PUM2: variants seen among roughly 807,000 people sequenced by gnomAD.
The protein encoded by PUM2 is pumilio RNA binding family member 2.
PUM2 carries 57 observed loss-of-function variants against 124.5 expected under a neutral mutation model. The observed-to-expected ratio is 0.46, with a 90% CI of 0.37 to 0.57. PUM2 has a LOEUF of 0.57. Ranked by LOEUF, PUM2 falls within the 20% of genes least tolerant of loss-of-function variation. PUM2 has a pLI of 0.00. For synonymous variants in PUM2, 460 were observed against 446.1 expected (o/e 1.03, Z -0.39); for missense variants, 1,065 against 1,290.6 (o/e 0.83, Z 2.68).
chr2:20,311,229 A>T (rs997081117), intron 5 of PUM2, among the ~76,000 whole-genome samples: 1 of 152,086 alleles, frequency 6.6e-6, no homozygotes, highest in Non-Finnish European at 1.5e-5. Context: ...TTAGACTATT[A>T]TATTACCAGA....
intron 3 of PUM2, among the ~76,000 whole-genome samples, chr2:20,314,860 A>C (rs1328731156): frequency 1.3e-5 from 2 of 152,204 alleles, no homozygotes; most frequent in East Asian, 3.8e-4. Flanking sequence ...AGGTTTAATA[A>C]AAGGCAATTA....
intron 13 of PUM2, among the ~76,000 whole-genome samples, chr2:20,272,134 G>A (rs1194008640): frequency 1.3e-5 from 2 of 151,688 alleles, no homozygotes; most frequent in Non-Finnish European, 2.9e-5. Context: ...TCCAGCCTGG[G>A]GGGCAGAGCA....
intron 10 of PUM2, 53 bp from the exon 11 acceptor site, chr2:20,283,539 A>G: frequency 6.5e-7 from 1 of 1,527,418 alleles, no homozygotes; most frequent in African/African-American, 1.4e-5. Context: ...AAACATGCAT[A>G]TTTGTTTTTC....
intron 3 of PUM2, among the ~76,000 whole-genome samples, chr2:20,317,456 A>T (rs1288639472): frequency 6.6e-6 from 1 of 152,230 alleles, no homozygotes; most frequent in South Asian, 2.1e-4. Flanking sequence ...CAATTAGATA[A>T]ATCAGTCACG....
intron 7 of PUM2, among the ~76,000 whole-genome samples, chr2:20,304,372 A>G (rs1005836661): frequency 6.6e-6 from 1 of 152,226 alleles, no homozygotes; most frequent in Non-Finnish European, 1.5e-5. Flanking sequence ...GGCCAAGTAC[A>G]TGGGTTAAGC....
At chr2:20,327,235 G>GT (rs1217101688) in intron 2 of PUM2, 75 bp downstream of exon 2, 4 of 1,043,306 alleles carry the variant, frequency 3.8e-6, no homozygotes, top group African/African-American at 1.6e-5. Flanking sequence ...AAGGGAGATG[G>GT]TTAAAAAAAA....
At chr2:20,259,813 T>A (rs1173555512) in intron 15 of PUM2, among the ~76,000 whole-genome samples, 1 of 152,204 alleles carries the variant, frequency 6.6e-6, no homozygotes, top group Non-Finnish European at 1.5e-5. Flanking sequence ...ATTGCTGGAT[T>A]GTGTGGTGAT....
chr2:20,323,281 T>C (rs903516838), intron 2 of PUM2, among the ~76,000 whole-genome samples: 1 of 151,870 alleles, frequency 6.6e-6, no homozygotes, highest in African/African-American at 2.4e-5. Flanking sequence ...ACTCTGTCTC[T>C]ACTAAAAATA....
Position 20,308,551 on chromosome 2 carries a change from A to C in PUM2, c.552T>G (p.Thr184=). 2 of 1,613,910 alleles carry C rather than the reference A, an allele frequency of 1.2e-6. No individual in the cohort carries two copies. Among genetic ancestry groups the C allele is most frequent in the South Asian group, 2.2e-5 (2 of 91,054 alleles). ...TGGGGCCCAAGCGCTCAACTACTTC[A>C]GTTGGAGAGGCTTGACGACTTCCAG... is the stretch of plus-strand genomic sequence containing the variant. ...RTPGSRQASP[T]EVVERLGPNT... is the part of the protein sequence containing the mutation. Residue 184 remains threonine, a synonymous_variant, in exon 6 of 21, where the codon ACT becomes ACG. Transcript: ENST00000361078.
At chr2:20,256,658 T>C (rs1664840866) in intron 16 of PUM2, among the ~76,000 whole-genome samples, 2 of 152,222 alleles carry the variant, frequency 1.3e-5, no homozygotes, top group African/African-American at 4.8e-5. Flanking sequence ...TGATGACTAC[T>C]TATGGGCTAT....
At chr2:20,303,363 T>C (rs1195689951) in intron 7 of PUM2, among the ~76,000 whole-genome samples, 3 of 151,758 alleles carry the variant, frequency 2.0e-5, no homozygotes, top group African/African-American at 4.8e-5. Context: ...CATAGGCCAC[T>C]GCACTCTATG....
rs1438710927 is a variant in PUM2 at position 20,311,763 on chromosome 2, TA to T, written c.349-101del. The T allele has an allele frequency of 1.9e-5, 23 of 1,191,182 alleles. No individual in the cohort carries two copies. The South Asian group carries it at 3.3e-4, about 17-fold the overall frequency. 73.8% of individuals were successfully genotyped at this position (1,191,182 alleles called of 1,614,324 possible). Reference sequence around the variant, plus strand: ...ACTACACTACAGTGCATGTAAACAATAAAAGCATTGAATCTTATTTAATTTC... The same window carrying T: ...ACTACACTACAGTGCATGTAAACAATAAAGCATTGAATCTTATTTAATTTC... On this transcript the variant is annotated intron_variant, in intron 4 of 20. Coordinates refer to ENST00000361078, the MANE Select transcript of PUM2 (RefSeq NM_015317.5).
chr2:20,350,141 AC>A (rs2149204117), intron 1 of PUM2: 2 of 152,438 alleles, frequency 1.3e-5, no homozygotes, highest in South Asian at 4.1e-4. Context: ...TTTCCCGGAC[AC>A]ACTCGGGCCT....
chr2:20,338,977 T>C (rs929419776), intron 1 of PUM2, among the ~76,000 whole-genome samples: 1 of 152,198 alleles, frequency 6.6e-6, no homozygotes, highest in African/African-American at 2.4e-5. Context: ...AATATATACA[T>C]GATAAAATCA....
chr2:20,278,633 G>GTAA lies in PUM2; in HGVS notation c.1904_1906dup (p.Leu635_Thr636insIle). The GTAA allele has an allele frequency of 5.6e-6, 9 of 1,613,380 alleles. No individual in the cohort carries two copies. The highest frequency in any genetic ancestry group is 7.6e-6 in the Non-Finnish European group (9 of 1,179,608). On this transcript the variant is annotated inframe_insertion, in exon 13 of 21. Transcript: ENST00000361078. The stretch of plus-strand genomic sequence containing the variant: ...ATGTGATGAAAGTGATGGCGGTGGC[G>GTAA]TAAGTGAATGTCCTGGAGTTTGGCT...
At chr2:20,348,686 CTGGGAGG>C (rs1331215083) in intron 1 of PUM2, among the ~76,000 whole-genome samples, 1 of 151,998 alleles carries the variant, frequency 6.6e-6, no homozygotes, top group Non-Finnish European at 1.5e-5. Context: ...TCCCGGCACT[CTGGGAGG>C]GCGAGGCGGG....
At position 20,251,486 on chromosome 2, in the gene PUM2, A is replaced by C; in HGVS notation, c.*99T>G. 1 of 1,407,122 alleles carries C rather than the reference A, an allele frequency of 7.1e-7. No individual in the cohort carries two copies. Among genetic ancestry groups the C allele is most frequent in the Non-Finnish European group, 9.6e-7 (1 of 1,044,020 alleles). 87.2% of individuals were successfully genotyped at this position (1,407,122 alleles called of 1,614,324 possible). A position where few individuals can be genotyped will look rare whatever the true frequency, so the allele number is the denominator to read the frequency against. Reference sequence around the variant, plus strand: ...TCAATAAATAGTTTTGCTTTAAAAAAAAATTGAAGATTCATAGTTGAGTTG... The same window carrying C: ...TCAATAAATAGTTTTGCTTTAAAAACAAATTGAAGATTCATAGTTGAGTTG... On this transcript the variant is annotated 3_prime_UTR_variant, in exon 21 of 21. Transcript: ENST00000361078.
Position 20,283,215 on chromosome 2 carries a change from A to AGCT in PUM2, c.1449_1451dup (p.Ala484dup). Reference sequence around the variant, plus strand: ...CTGTAAGGCTACTTGCAGTTCCTCCAGCTGCTGCTGCTGCTGCTGTAAAAT... The same window carrying AGCT: ...CTGTAAGGCTACTTGCAGTTCCTCCAGCTGCTGCTGCTGCTGCTGCTGTAAAAT... On this transcript the variant is annotated inframe_insertion, in exon 12 of 21. Transcript: ENST00000361078. The AGCT allele has an allele frequency of 1.8e-4, 293 of 1,612,316 alleles. 1 individual carries two copies. The highest frequency in any genetic ancestry group is 1.0e-3 in the African/African-American group (75 of 74,990).
chr2:20,320,732 T>C lies in PUM2; in HGVS notation c.52-2087A>G, dbSNP rs915364103. 6.6e-5 allele frequency among the ~76,000 whole-genome samples: 10 copies of C among 152,140 alleles called. No individual in the cohort carries two copies. The East Asian group carries it at 1.2e-3, about 18-fold the overall frequency. On this transcript the variant is annotated intron_variant, in intron 2 of 20. Transcript: ENST00000361078. The stretch of plus-strand genomic sequence containing the variant: ...TAAACTATAACTTGTATTCCTTCTA[T>C]TTTAAAAATCTCATCATAAAAGATT...
Sources: gnomAD v4.1 joint callset for allele counts (sites outside exome capture counted in the v4.1 genomes callset) on GRCh38, gnomAD v4.1.1 for gene constraint, MANE v1.5 for transcripts, NCBI Gene and HGNC (gene_info 2026-07-23, HGNC 2026-07-21) for gene names.